Variants in MEP1B observed in about 807,000 individuals in gnomAD.
MEP1B encodes the protein N-benzoyl-L-tyrosyl-P-amino-benzoic acid hydrolase subunit beta.
MEP1B carries 80 observed loss-of-function variants against 84.6 expected under a neutral mutation model. That is an observed-to-expected ratio of 0.95 (90% CI 0.79 to 1.14). MEP1B has a LOEUF of 1.14. Among genes scored for constraint, MEP1B ranks in the 50% most tolerant of loss-of-function variants. MEP1B has a pLI of 0.00. For missense variants in MEP1B, 766 were observed against 855.1 expected (o/e 0.90, Z 1.30); for synonymous variants, 273 against 288.1 (o/e 0.95, Z 0.53).
In MEP1B at chr18:32,199,668, G is replaced by GTTCCTTCCTTCCTTCCTTCCTTCC. The variant is rs201128780; in HGVS notation, c.251-3205_251-3182dup. 1.9e-3 allele frequency among the ~76,000 whole-genome samples: 237 copies of GTTCCTTCCTTCCTTCCTTCCTTCC among 126,904 alleles called. 1 individual carries two copies. Among genetic ancestry groups the GTTCCTTCCTTCCTTCCTTCCTTCC allele is most frequent in the African/African-American group, 5.7e-3 (174 of 30,452 alleles). The allele number at this position is 126,904 out of a possible 152,430, so 83.3% of individuals were successfully genotyped here. Reference sequence around the variant, plus strand: ...ATTCTTCCTTTTTTTCCTTTCGTTCGTTCCTTCCTTCCTTCCTTCCTTCCT... The same window carrying GTTCCTTCCTTCCTTCCTTCCTTCC: ...ATTCTTCCTTTTTTTCCTTTCGTTCGTTCCTTCCTTCCTTCCTTCCTTCCTTCCTTCCTTCCTTCCTTCCTTCCT... On this transcript the variant is annotated intron_variant, in intron 5 of 14. Coordinates refer to ENST00000269202, the MANE Select transcript of MEP1B (RefSeq NM_005925.3).
chr18:32,208,323 T>C, intron 9 of MEP1B, 52 bp downstream of exon 9: 1 of 1,450,918 alleles, frequency 6.9e-7, no homozygotes, highest in South Asian at 1.5e-5. Context: ...TACAGCCACA[T>C]ACTTCTCTAT....
chr18:32,220,223 C>T lies in MEP1B; in HGVS notation c.2092-8C>T. On this transcript the variant is annotated splice_polypyrimidine_tract_variant and splice_region_variant and intron_variant, in intron 14 of 14. Coordinates refer to ENST00000269202, the MANE Select transcript of MEP1B (RefSeq NM_005925.3). ...AATTAAATCATCAATTGTTCTTTCC[C>T]CTTTTAGCAGCATGCTTTTTGAAGA... The T allele has an allele frequency of 1.2e-6, 2 of 1,605,416 alleles. No homozygotes were observed. Among genetic ancestry groups the T allele is most frequent in the South Asian group, 1.1e-5 (1 of 89,574 alleles).
intron 6 of MEP1B, among the ~76,000 whole-genome samples, chr18:32,203,473 G>A (rs2040933063): frequency 2.0e-5 from 3 of 152,154 alleles, no homozygotes; most frequent in Admixed American, 1.3e-4. Flanking sequence ...CAGGCATAAC[G>A]AGGAGCTCAA....
chr18:32,204,845 G>GA (rs1428902500), intron 7 of MEP1B, among the ~76,000 whole-genome samples: 1 of 152,140 alleles, frequency 6.6e-6, no homozygotes, highest in Non-Finnish European at 1.5e-5. Flanking sequence ...GAGTCAGAGA[G>GA]AAAAAACAGG....
In MEP1B at chr18:32,196,281, G is replaced by T; in HGVS notation, c.250+796G>T. The T allele has an allele frequency of 5.7e-6, 4 of 707,514 alleles. No homozygotes were observed. Among genetic ancestry groups the T allele is most frequent in the Non-Finnish European group, 7.9e-6 (3 of 377,974 alleles). 43.8% of individuals were successfully genotyped at this position (707,514 alleles called of 1,614,324 possible). A position where few individuals can be genotyped will look rare whatever the true frequency, so the allele number is the denominator to read the frequency against. ...AGACGCTGGCCATGCTGGGGGCTGT[G>T]AAGTTGAGGGGCGGGATGTTGTTGC... On this transcript the variant is annotated intron_variant, in intron 5 of 14. Coordinates refer to ENST00000269202, the MANE Select transcript of MEP1B (RefSeq NM_005925.3). This position sits in a 1 kb window ranked among gnomAD's most constrained non-coding sequence, Gnocchi z 4.4.
At chr18:32,193,338 C>T (rs994280228) in intron 4 of MEP1B, among the ~76,000 whole-genome samples, 1 of 152,084 alleles carries the variant, frequency 6.6e-6, no homozygotes, top group East Asian at 1.9e-4. Context: ...ACACAAGAAC[C>T]TTGCAGGTAG....
chr18:32,195,561 G>A (rs1171083329), intron 5 of MEP1B, 76 bp downstream of exon 5: 29 of 945,442 alleles, frequency 3.1e-5, no homozygotes, highest in Non-Finnish European at 4.4e-5. Flanking sequence ...TCAAAGGGTG[G>A]GCTTATATAG....
chr18:32,217,858 G>A lies in MEP1B; in HGVS notation c.1984G>A (p.Ala662Thr), dbSNP rs1230632875. 7 of 1,613,880 alleles carry A rather than the reference G, an allele frequency of 4.3e-6. No homozygotes were observed. The highest frequency in any genetic ancestry group is 5.9e-6 in the Non-Finnish European group (7 of 1,179,844). The change falls in exon 14 of 15, where the codon GCT becomes ACT. Residue 662 changes from alanine to threonine, a missense_variant. Transcript: ENST00000269202. Reference protein sequence around the residue: ...TIVIAVSSTVAVFALMLIITL... With the variant: ...TIVIAVSSTVTVFALMLIITL... ...AGTCATTGCTGTTTCATCTACTGTT[G>A]CTGTGTTTGCCTTGATGCTGATCAT...
chr18:32,195,482 T>C lies in MEP1B; in HGVS notation c.247T>C (p.Leu83=), dbSNP rs773777443. The C allele has an allele frequency of 2.5e-6, 4 of 1,598,548 alleles. No homozygotes were observed. Among genetic ancestry groups the C allele is most frequent in the African/African-American group, 1.3e-5 (1 of 74,550 alleles). ...HTIPYVLEDS[L]EMNAKGVILN... ...CATTCCATATGTTCTAGAAGATAGC[T>C]TGGGTTAGTATGCACCTTGAAGTAT... The change falls in exon 5 of 15, where the codon TTG becomes CTG. Residue 83 remains leucine, a synonymous_variant. Transcript: ENST00000269202.
intron 5 of MEP1B, among the ~76,000 whole-genome samples, chr18:32,202,053 G>A (rs1405570936): frequency 6.6e-6 from 1 of 152,178 alleles, no homozygotes; most frequent in Non-Finnish European, 1.5e-5. Context: ...AGCTCCAAAG[G>A]TTGATTGAAT....
chr18:32,206,463 T>G (rs1030161835), intron 7 of MEP1B, among the ~76,000 whole-genome samples: 11 of 150,798 alleles, frequency 7.3e-5, no homozygotes, highest in African/African-American at 2.4e-4. Context: ...AGAGTCTTAC[T>G]TTGTCACCCA....
At chr18:32,215,481 C>G (rs1208332671) in intron 12 of MEP1B, among the ~76,000 whole-genome samples, 1 of 152,068 alleles carries the variant, frequency 6.6e-6, no homozygotes, top group African/African-American at 2.4e-5. Context: ...TTAATGACCA[C>G]CACATGAAGC....
Position 32,195,422 on chromosome 18 carries a change from TCC to T in MEP1B, c.188_189del (p.Ser63TyrfsTer7). The T allele has an allele frequency of 6.2e-7, 1 of 1,611,520 alleles. No homozygotes were observed. The highest frequency in any genetic ancestry group is 1.7e-4 in the Middle Eastern group (1 of 6,060). On this transcript the variant is annotated frameshift_variant, in exon 5 of 15. Transcript: ENST00000269202. LOFTEE classifies it high-confidence loss of function. ...IRLDRAQIRN[S>X]IIGEKYRWPH... ...TTTTTGACAGGCACAAATTAGAAATTCCATCATTGGAGAAAAGTATAGATGGC... is the reference window on the plus strand; with the variant it reads ...TTTTTGACAGGCACAAATTAGAAATTATCATTGGAGAAAAGTATAGATGGC...
intron 9 of MEP1B, 109 bp from the exon 10 acceptor site, chr18:32,210,392 A>G (rs1287787920): frequency 4.3e-5 from 38 of 879,092 alleles, no homozygotes; most frequent in Non-Finnish European, 5.8e-5. Flanking sequence ...GGCGATTTAT[A>G]TATGGATGTT....
At chr18:32,210,480 A>G in intron 9 of MEP1B, 21 bp from the exon 10 acceptor site, 1 of 1,605,236 alleles carries the variant, frequency 6.2e-7, no homozygotes, top group Admixed American at 1.7e-5. Context: ...TTTTTCTCTC[A>G]ATTCTGCTTT....
Position 32,207,254 on chromosome 18 carries a change from A to G in MEP1B, c.550A>G (p.Arg184Gly). The change falls in exon 8 of 15, where the codon AGA becomes GGA. Residue 184 changes from arginine to glycine, a missense_variant and splice_region_variant. Transcript: ENST00000269202. ...RIMWDRILSG[R>G]EHNFNTYSDD... ...AAGATTTTTTATTTATCCTTTAGGC[A>G]GAGAGCACAATTTTAACACCTATAG... 6.3e-7 allele frequency: 1 copy of G among 1,599,658 alleles called. No homozygotes were observed.
intron 5 of MEP1B, among the ~76,000 whole-genome samples, chr18:32,201,063 G>C (rs1421555569): frequency 6.6e-6 from 1 of 152,044 alleles, no homozygotes; most frequent in Non-Finnish European, 1.5e-5. Context: ...TTGGTAAAGG[G>C]CCTCAGTGTT....
chr18:32,215,295 T>G (rs1014783160), intron 12 of MEP1B, 34 bp downstream of exon 12: 1 of 1,315,046 alleles, frequency 7.6e-7, no homozygotes, highest in African/African-American at 1.5e-5. Context: ...TATAAACTAG[T>G]TTTTTTTTGT....
intron 6 of MEP1B, 22 bp downstream of exon 6, chr18:32,203,032 C>T (rs2040928418): frequency 7.4e-7 from 1 of 1,348,852 alleles, no homozygotes. Context: ...ACTTAGTCTT[C>T]TAAGGCATCT....
Sources: gnomAD v4.1 joint callset for allele counts (sites outside exome capture counted in the v4.1 genomes callset) on GRCh38, gnomAD v4.1.1 for gene constraint, Gnocchi (gnomAD v3.1) non-coding constraint, MANE v1.5 for transcripts, NCBI Gene and HGNC (gene_info 2026-07-23, HGNC 2026-07-21) for gene names.